The following FBXL16 variants were observed in gnomAD, a reference collection of about 807,000 sequenced individuals.
The protein encoded by FBXL16 is F-box and leucine rich repeat protein 16.
In FBXL16, 7 loss-of-function variants were observed where a neutral mutation model predicts 36.7. The observed-to-expected ratio is 0.19, with a 90% CI of 0.11 to 0.36. The LOEUF is 0.36. Ranked by LOEUF, FBXL16 falls within the 10% of genes least tolerant of loss-of-function variation. The pLI, the probability that FBXL16 is intolerant of heterozygous loss-of-function variation, is 1.00. For synonymous variants in FBXL16, 355 were observed against 308.7 expected (o/e 1.15, Z -1.57); for missense variants, 463 against 659.4 (o/e 0.70, Z 3.26).
chr16:694,809 C>T (rs1046869594), intron 4 of FBXL16, 112 bp from the exon 5 acceptor site: 6 of 1,344,854 alleles, frequency 4.5e-6, no homozygotes, highest in South Asian at 1.3e-5. Flanking sequence ...TCCGTCCCCC[C>T]CGGAGCCGGG....
At chr16:700,039 G>GGGGAGGCA (rs542984218) in intron 1 of FBXL16, among the ~76,000 whole-genome samples, 5 of 152,126 alleles carry the variant, frequency 3.3e-5, no homozygotes, top group African/African-American at 9.7e-5. Flanking sequence ...TCAGGGGGGA[G>GGGGAGGCA]GGGAGGCAGG....
rs907584778 is a variant in FBXL16, at chr16:696,842, A to G, written c.564T>C (p.Tyr188=). 1.3e-6 allele frequency: 2 copies of G among 1,549,944 alleles called. No individual in the cohort carries two copies. The highest frequency in any genetic ancestry group is 4.8e-5 in the East Asian group (2 of 41,442). The change falls in exon 2 of 6, where the codon TAT becomes TAC. Residue 188 remains tyrosine (Y), a synonymous_variant. Coordinates refer to ENST00000397621, the MANE Select transcript of FBXL16 (RefSeq NM_153350.4). ...DLDICEFIDN[Y]ALSKKGVKAM... ...CTTTGACACCCTTCTTGGAGAGCGC[A>G]TAGTTGTCAATGAACTCACAGATGT...
chr16:702,155 G>A (rs890189361), intron 1 of FBXL16, among the ~76,000 whole-genome samples: 11 of 152,264 alleles, frequency 7.2e-5, no homozygotes, highest in South Asian at 4.1e-4. Flanking sequence ...CCTCTTCTGC[G>A]AATCAAGTCA....
At chr16:704,618 C>T (rs995087968) in intron 1 of FBXL16, among the ~76,000 whole-genome samples, 6 of 152,252 alleles carry the variant, frequency 3.9e-5, no homozygotes, top group African/African-American at 1.4e-4. Flanking sequence ...CTGTCCAGCA[C>T]CCCACAGAGG....
chr16:694,566 G>C, intron 5 of FBXL16, 68 bp downstream of exon 5: 2 of 1,538,026 alleles, frequency 1.3e-6, no homozygotes, highest in Admixed American at 1.9e-5. Context: ...GACCGGGCAG[G>C]TTGGGCGGGT....
chr16:695,385 C>A (rs1342488883), intron 3 of FBXL16, 30 bp downstream of exon 3: 7 of 1,481,430 alleles, frequency 4.7e-6, no homozygotes, highest in Non-Finnish European at 6.3e-6. Flanking sequence ...CCCGGCCCAG[C>A]CCCGCCCGGC....
chr16:696,735 T>TC, intron 2 of FBXL16, 38 bp downstream of exon 2: 1 of 874,028 alleles, frequency 1.1e-6, no homozygotes, highest in Non-Finnish European at 1.5e-6. Flanking sequence ...TGCCCGCCCC[T>TC]GCCCCCCAGC....
At chr16:702,612 G>T (rs1055997321) in intron 1 of FBXL16, among the ~76,000 whole-genome samples, 1 of 152,262 alleles carries the variant, frequency 6.6e-6, no homozygotes, top group African/African-American at 2.4e-5. Flanking sequence ...GAGGGCTGAT[G>T]GAGGATTGGT....
intron 2 of FBXL16, 141 bp from the exon 3 acceptor site, chr16:696,064 G>C: frequency 1.6e-6 from 2 of 1,281,802 alleles, no homozygotes; most frequent in Non-Finnish European, 2.1e-6. Context: ...ATCGGGACGA[G>C]AGCCCAGGGC....
chr16:694,589 G>T (rs754235829), intron 5 of FBXL16, 45 bp downstream of exon 5: 2 of 1,574,756 alleles, frequency 1.3e-6, no homozygotes, highest in African/African-American at 1.3e-5. Context: ...ACTAAGTGGG[G>T]GTGGGTGGTC....
intron 2 of FBXL16, 146 bp downstream of exon 2, chr16:696,627 G>C: frequency 2.1e-6 from 1 of 475,864 alleles, no homozygotes; most frequent in Non-Finnish European, 2.8e-6. Flanking sequence ...TTGAACAAGG[G>C]ACCCACATTT....
rs1279867860 is a variant in FBXL16, at chr16:693,352, G to A, written c.*923C>T. The A allele has an allele frequency of 1.3e-5, 2 of 152,416 alleles. No homozygotes were observed. Among genetic ancestry groups the A allele is most frequent in the South Asian group, 2.1e-4 (1 of 4,842 alleles). 9.4% of individuals were successfully genotyped at this position (152,416 alleles called of 1,614,324 possible). ...AGGGTGAAGCTCGGTGCCCAGGCCT[G>A]AACTGAGCCCGGCCGGGTGCAAGGG... On this transcript the variant is annotated 3_prime_UTR_variant, in exon 6 of 6. Transcript: ENST00000397621.
intron 1 of FBXL16, among the ~76,000 whole-genome samples, chr16:703,868 T>C (rs2040073049): frequency 6.6e-6 from 1 of 152,244 alleles, no homozygotes; most frequent in Non-Finnish European, 1.5e-5. Context: ...CAGCCCCTGC[T>C]CGGAAGAGCA....
intron 3 of FBXL16, 110 bp downstream of exon 3, chr16:695,305 C>G (rs2040002019): frequency 2.7e-6 from 3 of 1,118,732 alleles, no homozygotes; most frequent in Non-Finnish European, 3.4e-6. Flanking sequence ...GCGCCACAGC[C>G]CCAGCCCCGC....
At chr16:704,325 G>C (rs1409607111) in intron 1 of FBXL16, among the ~76,000 whole-genome samples, 1 of 152,210 alleles carries the variant, frequency 6.6e-6, no homozygotes, top group Non-Finnish European at 1.5e-5. Context: ...TGGAGGCAGT[G>C]AGTCTGTCGA....
rs1364022328 is a variant in FBXL16, at chr16:694,705, G to A, written c.1228-8C>T. On this transcript the variant is annotated splice_region_variant and splice_polypyrimidine_tract_variant and intron_variant, in intron 4 of 5. Transcript: ENST00000397621. ...CAGCCCGAAGTCTTGCACCTGTCGG[G>A]AGTGGAGGAGCGACTTAACGATTTC... 3.1e-6 allele frequency: 5 copies of A among 1,601,198 alleles called. No homozygotes were observed. The highest frequency in any genetic ancestry group is 1.3e-5 in the African/African-American group (1 of 74,886).
At position 693,586 on chromosome 16, in the gene FBXL16, G is replaced by A. The variant is rs1596570980; in HGVS notation, c.*689C>T. ...GGGACCAAGGCCGGGTTTTGGGGCG[G>A]ACAGGGGACTGCCCCACACAGCGGC... On this transcript the variant is annotated 3_prime_UTR_variant, in exon 6 of 6. Transcript: ENST00000397621. 6.5e-6 allele frequency: 1 copy of A among 152,920 alleles called. No individual in the cohort carries two copies. The highest frequency in any genetic ancestry group is 1.9e-4 in the East Asian group (1 of 5,182). The allele number at this position is 152,920 out of a possible 1,614,324, so 9.5% of individuals were successfully genotyped here. A position where few individuals can be genotyped will look rare whatever the true frequency, so the allele number is the denominator to read the frequency against.
chr16:694,705 G>C lies in FBXL16; in HGVS notation c.1228-8C>G. The C allele has an allele frequency of 6.2e-7, 1 of 1,601,198 alleles. No homozygotes were observed. ...CAGCCCGAAGTCTTGCACCTGTCGG[G>C]AGTGGAGGAGCGACTTAACGATTTC... On this transcript the variant is annotated splice_region_variant and splice_polypyrimidine_tract_variant and intron_variant, in intron 4 of 5. Transcript: ENST00000397621.
intron 1 of FBXL16, among the ~76,000 whole-genome samples, chr16:705,118 G>T (rs1177846719): frequency 6.6e-6 from 1 of 152,058 alleles, no homozygotes; most frequent in African/African-American, 2.4e-5. Context: ...GCACATCCAC[G>T]CGACCCCCAT....
Sources: gnomAD v4.1 joint callset for allele counts (sites outside exome capture counted in the v4.1 genomes callset) on GRCh38, gnomAD v4.1.1 for gene constraint, MANE v1.5 for transcripts, NCBI Gene and HGNC (gene_info 2026-07-23, HGNC 2026-07-21) for gene names.